ARHGEF28: variants seen among roughly 807,000 people sequenced by gnomAD.
ARHGEF28 encodes Rho guanine nucleotide exchange factor 28.
In ARHGEF28, 152 loss-of-function variants were observed where a neutral mutation model predicts 206.6. That is an observed-to-expected ratio of 0.74 (90% CI 0.64 to 0.84). The LOEUF (loss-of-function observed/expected upper bound fraction) is 0.84. ARHGEF28 is among the 40% of genes least tolerant of loss of function. The pLI, the probability that ARHGEF28 is intolerant of heterozygous loss-of-function variation, is 0.00. For missense variants in ARHGEF28, 2,028 were observed against 2,073.2 expected, an observed-to-expected ratio of 0.98 and a Z score of 0.42; for synonymous variants, 763 against 776.4, an observed-to-expected ratio of 0.98 and a Z score of 0.29.
chr5:73,931,795 G>C (rs568247622), intron 35 of ARHGEF28, among the ~76,000 whole-genome samples: 12 of 152,072 alleles, frequency 7.9e-5, no homozygotes, highest in Non-Finnish European at 1.8e-4. Flanking sequence ...AGTTAGATTT[G>C]TCTCTATTTT....
At position 73,795,379 on chromosome 5, in the gene ARHGEF28, A is replaced by G; in HGVS notation, c.1012A>G (p.Ser338Gly). Residue 338 changes from serine to glycine, a missense_variant, in exon 9 of 36, where the codon AGC becomes GGC. By Grantham distance (56) the Ser-to-Gly change is moderately conservative (BLOSUM62 0). Coordinates refer to ENST00000513042, the MANE Select transcript of ARHGEF28 (RefSeq NM_001177693.2). ...ACACAATGAACATGAAGACCAGCAC[A>G]GCCTAGATTTGGGTATGAAATAACG... is the stretch of plus-strand genomic sequence containing the variant. ...VQHNEHEDQH[S>G]LDLDRSFDIL... is the part of the protein sequence containing the mutation. 2 of 1,613,742 alleles carry G rather than the reference A, an allele frequency of 1.2e-6. No individual in the cohort carries two copies. The highest frequency in any genetic ancestry group is 1.7e-6 in the Non-Finnish European group (2 of 1,179,668).
At chr5:73,679,483 T>C (rs1746930165) in intron 1 of ARHGEF28, among the ~76,000 whole-genome samples, 1 of 151,516 alleles carries the variant, frequency 6.6e-6, no homozygotes. Context: ...AGGAGAATCA[T>C]TTGAATCCAG....
At chr5:73,684,005 A>G (rs943566872) in intron 1 of ARHGEF28, among the ~76,000 whole-genome samples, 1 of 152,098 alleles carries the variant, frequency 6.6e-6, no homozygotes, top group Non-Finnish European at 1.5e-5. Flanking sequence ...TTCAAATTCA[A>G]ATTGTTTTTA....
At chr5:73,643,554 C>T (rs1434311159) in intron 1 of ARHGEF28, among the ~76,000 whole-genome samples, 2 of 152,110 alleles carry the variant, frequency 1.3e-5, no homozygotes, top group African/African-American at 4.8e-5. Flanking sequence ...GTGGCTCACG[C>T]CTGTAATCCT....
intron 21 of ARHGEF28, among the ~76,000 whole-genome samples, chr5:73,870,634 C>G (rs1184926140): frequency 1.3e-5 from 2 of 152,146 alleles, no homozygotes; most frequent in African/African-American, 4.8e-5. Context: ...TCCAGTTTGG[C>G]TGCATACACC....
chr5:73,901,237 A>G lies in ARHGEF28; in HGVS notation c.4027A>G (p.Ile1343Val), dbSNP rs754954491. The G allele has an allele frequency of 6.2e-7, 1 of 1,613,386 alleles. No individual in the cohort carries two copies. The highest frequency in any genetic ancestry group is 8.5e-7 in the Non-Finnish European group (1 of 1,179,600). Residue 1343 changes from isoleucine (I) to valine (V), a missense_variant, in exon 31 of 36, where the codon ATC (isoleucine) becomes GTC (valine). Around this residue, in one of 3 missense-constraint regions of ARHGEF28, gnomAD observed 803 missense variants for 768.0 expected, o/e 1.05. Transcript: ENST00000513042. ...AGGCTGTTCGGATGTGGATCCCGGG[A>G]TCCAGGGTGTGGTAACCGACTTGGC... ...GRGCSDVDPG[I>V]QGVVTDLAVS... is the part of the protein sequence containing the mutation.
At chr5:73,860,310 A>G (rs1579999146) in intron 16 of ARHGEF28, among the ~76,000 whole-genome samples, 1 of 152,188 alleles carries the variant, frequency 6.6e-6, no homozygotes, top group Admixed American at 6.5e-5. Flanking sequence ...CCAGAGGCTG[A>G]GTACCCATGT....
At chr5:73,839,084 G>T (rs1261526107) in intron 10 of ARHGEF28, among the ~76,000 whole-genome samples, 1 of 152,080 alleles carries the variant, frequency 6.6e-6, no homozygotes, top group Admixed American at 6.6e-5. Flanking sequence ...CCTCATAATT[G>T]GATTCAGGTT....
intron 35 of ARHGEF28, among the ~76,000 whole-genome samples, chr5:73,913,555 C>G (rs539629740): frequency 6.6e-6 from 1 of 152,178 alleles, no homozygotes; most frequent in Non-Finnish European, 1.5e-5. Flanking sequence ...TAGCTAGGCT[C>G]CGTGGGCGCT....
At chr5:73,936,495 T>C (rs997202072) in intron 35 of ARHGEF28, among the ~76,000 whole-genome samples, 3 of 152,184 alleles carry the variant, frequency 2.0e-5, no homozygotes, top group Admixed American at 1.3e-4. Flanking sequence ...GAAAAATGCA[T>C]TTTTTGTACC....
chr5:73,680,151 A>G (rs145646717), intron 1 of ARHGEF28, among the ~76,000 whole-genome samples: 3 of 152,062 alleles, frequency 2.0e-5, no homozygotes, highest in African/African-American at 7.2e-5. Context: ...AAAATAATTC[A>G]CAGCTGGGCA....
intron 2 of ARHGEF28, among the ~76,000 whole-genome samples, chr5:73,725,600 C>A (rs1233368407): frequency 1.3e-5 from 2 of 152,192 alleles, no homozygotes; most frequent in Non-Finnish European, 2.9e-5. Flanking sequence ...ACCAGCTAAT[C>A]ACTAAAAATC....
At chr5:73,923,248 G>A in intron 35 of ARHGEF28, 2 of 1,266,832 alleles carry the variant, frequency 1.6e-6, no homozygotes, top group Non-Finnish European at 1.1e-6. Flanking sequence ...AAATGTTTTG[G>A]TTTATGCTAA....
At chr5:73,743,943 G>A (rs932503636) in intron 2 of ARHGEF28, among the ~76,000 whole-genome samples, 1 of 152,134 alleles carries the variant, frequency 6.6e-6, no homozygotes, top group Non-Finnish European at 1.5e-5. Context: ...GGGAGAAAAT[G>A]TACTGAGCCT....
chr5:73,895,241 G>A (rs1325855049), intron 29 of ARHGEF28, among the ~76,000 whole-genome samples: 1 of 152,168 alleles, frequency 6.6e-6, no homozygotes, highest in Non-Finnish European at 1.5e-5. Context: ...AATAACAATG[G>A]GAGATGGTGG....
chr5:73,719,813 T>C (rs945515567), intron 2 of ARHGEF28, among the ~76,000 whole-genome samples: 30 of 152,252 alleles, frequency 2.0e-4, no homozygotes, highest in African/African-American at 7.0e-4. Context: ...ACAGCAGGTG[T>C]CTGTTCCTGG....
chr5:73,668,813 A>G (rs989388781), intron 1 of ARHGEF28, among the ~76,000 whole-genome samples: 10 of 152,248 alleles, frequency 6.6e-5, no homozygotes, highest in Admixed American at 5.9e-4. Context: ...TGTGTCCACA[A>G]CTACTCTTTC....
chr5:73,823,593 G>A (rs1756721569), intron 9 of ARHGEF28, among the ~76,000 whole-genome samples: 1 of 152,190 alleles, frequency 6.6e-6, no homozygotes, highest in African/African-American at 2.4e-5. Flanking sequence ...CTACTGTTCT[G>A]TGAATGTTTT....
At chr5:73,799,803 A>G (rs921971139) in intron 9 of ARHGEF28, among the ~76,000 whole-genome samples, 4 of 152,096 alleles carry the variant, frequency 2.6e-5, no homozygotes, top group African/African-American at 7.2e-5. Flanking sequence ...GGAGATAGAG[A>G]CACTCCCTAT....
Sources: allele counts gnomAD v4.1 joint callset (sites outside exome capture counted in the v4.1 genomes callset), GRCh38; gene constraint gnomAD v4.1.1; regional missense constraint gnomAD v4.1.1; transcripts MANE v1.5; gene names NCBI Gene and HGNC (gene_info 2026-07-23, HGNC 2026-07-21).